MYT1L: variants seen among roughly 807,000 people sequenced by gnomAD.
MYT1L encodes myelin transcription factor 1-like protein.
In MYT1L, 12 loss-of-function variants were observed where a neutral mutation model predicts 126.7. That is an observed-to-expected ratio of 0.09 (90% CI 0.06 to 0.15). The LOEUF (loss-of-function observed/expected upper bound fraction) is 0.15. MYT1L is among the 10% of genes least tolerant of loss of function. The pLI is 1.00. For synonymous variants in MYT1L, 541 were observed against 604.2 expected (o/e 0.90, Z 1.53); for missense variants, 979 against 1,585.2 (o/e 0.62, Z 6.49).
intron 21 of MYT1L, among the ~76,000 whole-genome samples, chr2:1,838,166 G>T (rs1023261601): frequency 6.6e-6 from 1 of 151,974 alleles, no homozygotes; most frequent in Non-Finnish European, 1.5e-5. Flanking sequence ...TGCCCACCTC[G>T]GCCTCTCAAA....
chr2:1,979,322 AGAG>A lies in MYT1L; in HGVS notation c.90-98_90-96del. ...CAGAGAGAAGGAGGGCGGCTCAGAC[AGAG>A]GAGAGAAATCACACAATCCAAAGGA... On this transcript the variant is annotated intron_variant, in intron 7 of 24. Transcript: ENST00000647738. This position sits in a 1 kb window ranked among gnomAD's most constrained non-coding sequence, Gnocchi z 4.0. 1.6e-6 allele frequency: 2 copies of A among 1,222,294 alleles called. No individual in the cohort carries two copies. The highest frequency in any genetic ancestry group is 2.4e-6 in the Non-Finnish European group (2 of 841,496). 75.7% of individuals were successfully genotyped at this position (1,222,294 alleles called of 1,614,324 possible).
chr2:2,111,110 G>A (rs2079392430), intron 3 of MYT1L, among the ~76,000 whole-genome samples: 1 of 152,178 alleles, frequency 6.6e-6, no homozygotes, highest in Admixed American at 6.5e-5. Flanking sequence ...CTTAGAGGCT[G>A]GAAGTGAGGG....
chr2:2,322,870 T>C (rs570703275), intron 1 of MYT1L, among the ~76,000 whole-genome samples: 1 of 152,298 alleles, frequency 6.6e-6, no homozygotes, highest in African/African-American at 2.4e-5. Flanking sequence ...CTAGGTAAGA[T>C]TTCATGAATC....
At chr2:1,893,158 GA>G (rs1469029366) in intron 14 of MYT1L, among the ~76,000 whole-genome samples, 1 of 152,180 alleles carries the variant, frequency 6.6e-6, no homozygotes, top group African/African-American at 2.4e-5. Context: ...AACCAGCACT[GA>G]GGGGCAAGGG....
intron 3 of MYT1L, among the ~76,000 whole-genome samples, chr2:2,147,932 C>T (rs1000830554): frequency 1.3e-5 from 2 of 152,190 alleles, no homozygotes; most frequent in Non-Finnish European, 2.9e-5. Context: ...CTTTCCTGCT[C>T]AAGAAAGAGC....
intron 2 of MYT1L, among the ~76,000 whole-genome samples, chr2:2,204,411 A>G (rs2093222209): frequency 6.6e-6 from 1 of 151,320 alleles, no homozygotes. Flanking sequence ...AAACAAATTT[A>G]CAAGAAAAAA....
intron 3 of MYT1L, among the ~76,000 whole-genome samples, chr2:2,100,554 T>A (rs968641357): frequency 1.3e-5 from 2 of 152,198 alleles, no homozygotes; most frequent in African/African-American, 4.8e-5. Flanking sequence ...TCAAACCCAC[T>A]GAGGTGCCCA....
chr2:2,019,072 G>T (rs1255646420), intron 4 of MYT1L, among the ~76,000 whole-genome samples: 1 of 151,994 alleles, frequency 6.6e-6, no homozygotes, highest in African/African-American at 2.4e-5. Flanking sequence ...AAATTAATTT[G>T]GTGACTTATG....
intron 1 of MYT1L, among the ~76,000 whole-genome samples, chr2:2,319,991 C>G (rs1345753132): frequency 6.6e-6 from 1 of 152,126 alleles, no homozygotes; most frequent in African/African-American, 2.4e-5. Flanking sequence ...TATTTTCTTT[C>G]TAGAAGAGGA....
chr2:1,817,632 C>A lies in MYT1L; in HGVS notation c.3081-8465G>T, dbSNP rs184386395. On this transcript the variant is annotated intron_variant, in intron 21 of 24. Coordinates refer to ENST00000647738, the MANE Select transcript of MYT1L (RefSeq NM_001303052.2). ...CTCAGGTCCAATTTGGAAGAGAACC[C>A]TGGGAGCAGGCCCAGCGCGGCCCTG... Among the ~76,000 whole-genome samples the A allele has an allele frequency of 1.8e-3, 274 of 152,280 alleles. 2 individuals carry two copies. Among genetic ancestry groups the A allele is most frequent in the South Asian group, 2.5e-3 (12 of 4,826 alleles).
intron 3 of MYT1L, among the ~76,000 whole-genome samples, chr2:2,138,747 T>G: frequency 7.1e-6 from 1 of 140,722 alleles, no homozygotes. Flanking sequence ...TAATGCTAGA[T>G]GACGAGTTAG....
intron 20 of MYT1L, among the ~76,000 whole-genome samples, chr2:1,840,137 T>G (rs1334953286): frequency 1.3e-5 from 2 of 152,252 alleles, no homozygotes; most frequent in Admixed American, 1.3e-4. Flanking sequence ...AAATCTTAAT[T>G]TATTTGAATA....
chr2:1,874,393 C>T (rs988527796), intron 18 of MYT1L, among the ~76,000 whole-genome samples: 77 of 152,266 alleles, frequency 5.1e-4, no homozygotes, highest in African/African-American at 1.5e-3. Context: ...AGTGTTTTCA[C>T]GTTGGTTAAG....
At chr2:2,165,423 A>C (rs2088895416) in intron 3 of MYT1L, among the ~76,000 whole-genome samples, 1 of 152,162 alleles carries the variant, frequency 6.6e-6, no homozygotes, top group Admixed American at 6.5e-5. Context: ...CATTGTGGCA[A>C]GCTCACACCT....
intron 3 of MYT1L, among the ~76,000 whole-genome samples, chr2:2,105,152 A>G (rs2078591301): frequency 6.6e-6 from 1 of 152,184 alleles, no homozygotes; most frequent in Non-Finnish European, 1.5e-5. Flanking sequence ...GCAGTTTCAC[A>G]GTGTAGTTTT....
At chr2:1,976,882 A>G (rs1196183790) in intron 8 of MYT1L, among the ~76,000 whole-genome samples, 2 of 152,210 alleles carry the variant, frequency 1.3e-5, no homozygotes, top group African/African-American at 4.8e-5. Context: ...GTTTTACATA[A>G]TAAAGTCTGC....
chr2:2,068,766 C>CTTCTTTTTTTTTTTTT (rs1370285207), intron 3 of MYT1L, among the ~76,000 whole-genome samples: 2 of 5,880 alleles, frequency 3.4e-4, no homozygotes, highest in Non-Finnish European at 7.3e-4. Flanking sequence ...CTGTGTTCTT[C>CTTCTTTTTTTTTTTTT]TTGTTTTTTT....
chr2:1,795,965 A>G (rs1442577539), intron 23 of MYT1L, among the ~76,000 whole-genome samples: 1 of 152,202 alleles, frequency 6.6e-6, no homozygotes, highest in African/African-American at 2.4e-5. Context: ...GAAAGGTCAA[A>G]TCTAGCCTGG....
intron 18 of MYT1L, among the ~76,000 whole-genome samples, chr2:1,871,480 A>G (rs1236357289): frequency 6.6e-6 from 1 of 152,216 alleles, no homozygotes; most frequent in Non-Finnish European, 1.5e-5. Context: ...CCCCTGTGGG[A>G]CCCCACATGA....
Sources: allele counts gnomAD v4.1 joint callset (sites outside exome capture counted in the v4.1 genomes callset), GRCh38; gene constraint gnomAD v4.1.1; non-coding constraint Gnocchi (gnomAD v3.1); transcripts MANE v1.5; gene names NCBI Gene and HGNC (gene_info 2026-07-23, HGNC 2026-07-21).